Variants in MKRN2 observed in about 807,000 individuals in gnomAD.
MKRN2 encodes the protein makorin ring finger protein 2, also known as E3 ubiquitin-protein ligase makorin-2.
A neutral mutation model predicts 45.4 loss-of-function variants in MKRN2; 32 were observed. The ratio of observed to expected loss-of-function variants is 0.70; its 90% confidence interval spans 0.53 to 0.95. The LOEUF (loss-of-function observed/expected upper bound fraction) is 0.95, where lower values mean the gene tolerates loss of function less well. Among genes scored for constraint, MKRN2 ranks in the 40% least tolerant of loss-of-function variants. The pLI is 0.00. For missense variants in MKRN2, 526 were observed against 536.7 expected, an observed-to-expected ratio of 0.98 and a Z score of 0.20; for synonymous variants, 206 against 192.4, an observed-to-expected ratio of 1.07 and a Z score of -0.59.
chr3:12,567,325 G>A (rs1371358097), intron 1 of MKRN2, among the ~76,000 whole-genome samples: 2 of 150,682 alleles, frequency 1.3e-5, no homozygotes, highest in African/African-American at 2.4e-5. Context: ...AGGCTAGAGT[G>A]CAGTGGCACA....
intron 1 of MKRN2, among the ~76,000 whole-genome samples, chr3:12,562,549 GT>G (rs1345282889): frequency 6.6e-6 from 1 of 152,152 alleles, no homozygotes; most frequent in African/African-American, 2.4e-5. Context: ...ACTGCACAAT[GT>G]CTGATCTAGT....
At chr3:12,564,107 G>A (rs1160183234) in intron 1 of MKRN2, among the ~76,000 whole-genome samples, 1 of 151,898 alleles carries the variant, frequency 6.6e-6, no homozygotes, top group African/African-American at 2.4e-5. Context: ...CACCACGCCC[G>A]GCTAATTTTT....
At chr3:12,581,761 C>T in intron 6 of MKRN2, 47 bp from the exon 7 acceptor site, 1 of 1,605,144 alleles carries the variant, frequency 6.2e-7, no homozygotes, top group Non-Finnish European at 8.5e-7. Flanking sequence ...CAGTTTGGAC[C>T]CCTCATTTTC....
intron 5 of MKRN2, among the ~76,000 whole-genome samples, chr3:12,576,223 G>A (rs1366784637): frequency 3.5e-5 from 5 of 144,876 alleles, no homozygotes; most frequent in African/African-American, 1.4e-4. Context: ...GTGTGTGTGT[G>A]TGTGTGTATT....
In MKRN2 at chr3:12,582,929, GC is replaced by G. The variant is rs2058196139; in HGVS notation, c.*677del. 3 of 152,446 alleles carry G rather than the reference GC, an allele frequency of 2.0e-5. No individual in the cohort carries two copies. The South Asian group carries it at 6.2e-4, about 32-fold the overall frequency. 9.4% of individuals were successfully genotyped at this position (152,446 alleles called of 1,614,324 possible). ...CTCCCTTAGGGAGGCTCTTGAAGGA[GC>G]AGGAGGTACAGTACTGGGTAGCAGT... On this transcript the variant is annotated 3_prime_UTR_variant, in exon 8 of 8. Transcript: ENST00000170447.
chr3:12,557,296 T>C (rs1469212097), intron 1 of MKRN2, 120 bp downstream of exon 1: 52 of 1,330,612 alleles, frequency 3.9e-5, no homozygotes, highest in East Asian at 6.1e-5. Context: ...GTTACTCGGC[T>C]GTTCGCGGCG....
At position 12,576,654 on chromosome 3, in the gene MKRN2, T is replaced by G. The variant is rs1346193567; in HGVS notation, c.881T>G (p.Ile294Arg). The G allele has an allele frequency of 6.2e-7, 1 of 1,606,032 alleles. No individual in the cohort carries two copies. The highest frequency in any genetic ancestry group is 2.2e-5 in the East Asian group (1 of 44,824). The change falls in exon 6 of 8, where the codon ATA (isoleucine) becomes AGA (arginine). Residue 294 changes from isoleucine to arginine, a missense_variant. Coordinates refer to ENST00000170447, the MANE Select transcript of MKRN2 (RefSeq NM_014160.5). ...IIKSCPECRV[I>R]SEFVIPSVYW... The stretch of plus-strand genomic sequence containing the variant: ...AGGTCTTGTCCAGAATGCCGTGTGA[T>G]ATCAGAGTTTGTAATTCCAAGTGTG...
rs370034567 is a variant in MKRN2 at position 12,567,154 on chromosome 3, T to C, written c.27-1721T>C. ...GTTTCTGAGCATTTGGATTGTATTG[T>C]CTTCCTTTAAAGTTTGTTTTGGCTG... On this transcript the variant is annotated intron_variant, in intron 1 of 7. Transcript: ENST00000170447. 2.8e-4 allele frequency among the ~76,000 whole-genome samples: 43 copies of C among 152,268 alleles called. No individual in the cohort carries two copies. In the South Asian group the frequency reaches 8.3e-3, roughly 29 times the overall value.
Position 12,568,950 on chromosome 3 carries a change from C to T in MKRN2, c.102C>T (p.Ser34=), listed in dbSNP as rs376137465. The part of the protein sequence containing the change: ...FSHDLANSKP[S]TICKYYQKGY... ...ATGACTTGGCAAACAGCAAACCGTC[C>T]ACCATCTGCAAGTACTACCAGAAGG... The change falls in exon 2 of 8, where the codon TCC becomes TCT. Residue 34 remains serine (S), a synonymous_variant. Coordinates refer to ENST00000170447, the MANE Select transcript of MKRN2 (RefSeq NM_014160.5). 10 of 1,613,996 alleles carry T rather than the reference C, an allele frequency of 6.2e-6. No homozygotes were observed. The highest frequency in any genetic ancestry group is 2.7e-5 in the African/African-American group (2 of 74,884).
At chr3:12,567,719 G>A (rs757834942) in intron 1 of MKRN2, among the ~76,000 whole-genome samples, 3 of 151,928 alleles carry the variant, frequency 2.0e-5, no homozygotes, top group East Asian at 1.9e-4. Flanking sequence ...TGGAACCCCC[G>A]ACCTCAGGTG....
chr3:12,582,433 ATAAAG>A lies in MKRN2; in HGVS notation c.*184_*188del. 1.4e-6 allele frequency: 1 copy of A among 734,646 alleles called. No homozygotes were observed. The highest frequency in any genetic ancestry group is 2.2e-6 in the Non-Finnish European group (1 of 457,720). The allele number at this position is 734,646 out of a possible 1,614,324, so 45.5% of individuals were successfully genotyped here. On this transcript the variant is annotated 3_prime_UTR_variant, in exon 8 of 8. Transcript: ENST00000170447. Reference sequence around the variant, plus strand: ...ACAGCCATGGGGAAGAGTGAAAGATATAAAGTAACCTAATTAAATGTATGGAATTG... The same window carrying A: ...ACAGCCATGGGGAAGAGTGAAAGATATAACCTAATTAAATGTATGGAATTG...
At chr3:12,573,492 C>T (rs1345917170) in intron 4 of MKRN2, among the ~76,000 whole-genome samples, 1 of 151,218 alleles carries the variant, frequency 6.6e-6, no homozygotes, top group Non-Finnish European at 1.5e-5. Context: ...CAAGATTGTG[C>T]CACTGCACTA....
intron 5 of MKRN2, among the ~76,000 whole-genome samples, chr3:12,576,212 TG>T (rs2058135483): frequency 6.6e-6 from 1 of 151,594 alleles, no homozygotes; most frequent in Non-Finnish European, 1.5e-5. Flanking sequence ...TGTGTGTGTG[TG>T]TGTGTGTGTG....
At chr3:12,564,477 T>C (rs2058058939) in intron 1 of MKRN2, among the ~76,000 whole-genome samples, 1 of 152,222 alleles carries the variant, frequency 6.6e-6, no homozygotes, top group Non-Finnish European at 1.5e-5. Context: ...AATATCTGGT[T>C]TCAAAAATGT....
intron 5 of MKRN2, among the ~76,000 whole-genome samples, chr3:12,576,328 C>T: frequency 6.6e-6 from 1 of 151,862 alleles, no homozygotes; most frequent in East Asian, 1.9e-4. Flanking sequence ...CCTCTCAACC[C>T]ATCACCTAGG....
intron 1 of MKRN2, among the ~76,000 whole-genome samples, chr3:12,557,459 C>G (rs1197201373): frequency 2.0e-5 from 3 of 152,326 alleles, no homozygotes; most frequent in South Asian, 2.1e-4. Context: ...TAGCCAGGGC[C>G]GTGCAGGATG....
chr3:12,569,319 A>ATT (rs5846777), intron 2 of MKRN2, among the ~76,000 whole-genome samples: 70 of 141,152 alleles, frequency 5.0e-4, no homozygotes, highest in East Asian at 1.0e-3. Flanking sequence ...CGCCTGGCTG[A>ATT]TTTTTTTTTT....
At position 12,582,222 on chromosome 3, in the gene MKRN2, A is replaced by AGAGGT. The variant is rs1480858665; in HGVS notation, c.1220_1221insGAGGT (p.His407GlnfsTer15). 1.9e-6 allele frequency: 3 copies of AGAGGT among 1,614,016 alleles called. No individual in the cohort carries two copies. The highest frequency in any genetic ancestry group is 2.5e-6 in the Non-Finnish European group (3 of 1,180,004). On this transcript the variant is annotated frameshift_variant, in exon 8 of 8. Coordinates refer to ENST00000170447, the MANE Select transcript of MKRN2 (RefSeq NM_014160.5). LOFTEE classifies it high-confidence loss of function. The stretch of plus-strand genomic sequence containing the variant: ...ACAGAGCTCGGGGACCTCTTCATGC[A>AGAGGT]CCTTTCTGGAGTGGAATCATCAGAA...
intron 1 of MKRN2, among the ~76,000 whole-genome samples, chr3:12,566,826 C>G (rs1440644203): frequency 6.6e-6 from 1 of 152,160 alleles, no homozygotes; most frequent in East Asian, 1.9e-4. Flanking sequence ...TGGTTTCGAA[C>G]TCCTGACCTC....
Sources: allele counts gnomAD v4.1 joint callset (sites outside exome capture counted in the v4.1 genomes callset), GRCh38; gene constraint gnomAD v4.1.1; transcripts MANE v1.5; gene names NCBI Gene and HGNC (gene_info 2026-07-23, HGNC 2026-07-21).